The following VIPR2 variants were observed in gnomAD, a reference collection of about 807,000 sequenced individuals.
VIPR2 encodes the protein vasoactive intestinal peptide receptor 2.
VIPR2 carries 48 observed loss-of-function variants against 58.0 expected under a neutral mutation model. That is an observed-to-expected ratio of 0.83 (90% CI 0.66 to 1.05). VIPR2 has a LOEUF of 1.05. VIPR2 is among the 50% of genes least tolerant of loss of function. VIPR2 has a pLI of 0.00. For synonymous variants in VIPR2, 243 were observed against 235.2 expected (o/e 1.03, Z -0.30); for missense variants, 534 against 558.0 (o/e 0.96, Z 0.43).
rs1474575818 is a variant in VIPR2 at position 159,096,329 on chromosome 7, C to T, written c.357+7428G>A. 6.6e-6 allele frequency among the ~76,000 whole-genome samples: 1 copy of T among 152,222 alleles called. No homozygotes were observed. The highest frequency in any genetic ancestry group is 1.5e-5 in the Non-Finnish European group (1 of 68,040). Reference sequence around the variant, plus strand: ...TCCATCCTGGGTCAGGCACGTACCTCCCCTCCTCCGGCATCGGCCAGCTCC... The same window carrying T: ...TCCATCCTGGGTCAGGCACGTACCTTCCCTCCTCCGGCATCGGCCAGCTCC... On this transcript the variant is annotated intron_variant, in intron 4 of 12. Coordinates refer to ENST00000262178, the MANE Select transcript of VIPR2 (RefSeq NM_003382.5). This position sits in a 1 kb window ranked among gnomAD's most constrained non-coding sequence, Gnocchi z 5.5.
At chr7:159,125,565 T>G (rs1484654078) in intron 2 of VIPR2, among the ~76,000 whole-genome samples, 3 of 152,156 alleles carry the variant, frequency 2.0e-5, no homozygotes, top group Admixed American at 6.5e-5. Context: ...CACCAGAAAA[T>G]TCTCCGGTAT....
intron 2 of VIPR2, among the ~76,000 whole-genome samples, chr7:159,112,681 C>T (rs1296039764): frequency 7.4e-6 from 1 of 135,302 alleles, no homozygotes; most frequent in African/African-American, 3.0e-5. Context: ...GGAGGCGGCT[C>T]ACGGCGCCTA....
chr7:159,144,437 A>T, intron 1 of VIPR2: 1 of 1,547,116 alleles, frequency 6.5e-7, no homozygotes, highest in South Asian at 1.2e-5. Context: ...TGACGCGTCC[A>T]GGAAGAAACG....
chr7:159,112,927 C>T (rs1796093219), intron 2 of VIPR2, among the ~76,000 whole-genome samples: 1 of 152,102 alleles, frequency 6.6e-6, no homozygotes, highest in Non-Finnish European at 1.5e-5. Flanking sequence ...TGGCGCCTTC[C>T]TGGGGCCAGA....
intron 1 of VIPR2, among the ~76,000 whole-genome samples, chr7:159,143,217 G>T (rs1052703540): frequency 3.3e-5 from 5 of 152,160 alleles, no homozygotes; most frequent in Non-Finnish European, 7.3e-5. Flanking sequence ...ACTAATGTGA[G>T]AAGAAGGCAG....
At position 159,135,004 on chromosome 7, in the gene VIPR2, G is replaced by GTTTTTTTTTTTTTTTTTTT. The variant is rs747914292; in HGVS notation, c.151+7423_151+7441dup. Among the ~76,000 whole-genome samples, 28 of 65,964 alleles carry GTTTTTTTTTTTTTTTTTTT rather than the reference G, an allele frequency of 4.2e-4. 1 individual carries two copies. Among genetic ancestry groups the GTTTTTTTTTTTTTTTTTTT allele is most frequent in the African/African-American group, 6.5e-4 (10 of 15,388 alleles). The allele number at this position is 65,964 out of a possible 152,430, so 43.3% of individuals were successfully genotyped here. A position where few individuals can be genotyped will look rare whatever the true frequency, so the allele number is the denominator to read the frequency against. ...TATTGGTCTTCTCTTAATTACAAAA[G>GTTTTTTTTTTTTTTTTTTT]TTTTTTTTTTTTTTTTTTTTTTTTT... On this transcript the variant is annotated intron_variant, in intron 2 of 12. Transcript: ENST00000262178.
chr7:159,105,860 A>G (rs912846893), intron 3 of VIPR2, among the ~76,000 whole-genome samples: 3 of 152,214 alleles, frequency 2.0e-5, no homozygotes, highest in Admixed American at 1.3e-4. Context: ...AGCACTCATA[A>G]TAGTTATTAT....
chr7:159,043,568 C>G (rs7798054), intron 5 of VIPR2, among the ~76,000 whole-genome samples: 7,909 of 152,030 alleles, frequency 0.052, 680 homozygotes, highest in African/African-American at 0.18. Context: ...AAGGCTTATG[C>G]CAACCAAGTG....
At chr7:159,070,083 G>A (rs925437445) in intron 4 of VIPR2, among the ~76,000 whole-genome samples, 1 of 152,174 alleles carries the variant, frequency 6.6e-6, no homozygotes, top group Non-Finnish European at 1.5e-5. Flanking sequence ...AACAGCCAAC[G>A]CCAAAGTCTC....
At chr7:159,137,208 C>T (rs564919733) in intron 2 of VIPR2, among the ~76,000 whole-genome samples, 1 of 152,252 alleles carries the variant, frequency 6.6e-6, no homozygotes, top group South Asian at 2.1e-4. Flanking sequence ...TCCGTTCTTC[C>T]CAGACAGGAG....
chr7:159,069,532 T>A (rs1856272407), intron 4 of VIPR2, among the ~76,000 whole-genome samples: 1 of 152,194 alleles, frequency 6.6e-6, no homozygotes, highest in Non-Finnish European at 1.5e-5. Context: ...GCTTTTTGAA[T>A]CTGAGGATTG....
rs546775312 is a variant in VIPR2 at position 159,122,617 on chromosome 7, A to AC, written c.152-12699dup. 1.1e-4 allele frequency among the ~76,000 whole-genome samples: 16 copies of AC among 152,346 alleles called. No individual in the cohort carries two copies. In the South Asian group the frequency reaches 2.3e-3, roughly 22 times the overall value. Reference sequence around the variant, plus strand: ...TCTAATGTGAAAGCACAGGTCACATACAGGTGCAGGGCACACCTGTGAGTC... The same window carrying AC: ...TCTAATGTGAAAGCACAGGTCACATACCAGGTGCAGGGCACACCTGTGAGTC... On this transcript the variant is annotated intron_variant, in intron 2 of 12. Coordinates refer to ENST00000262178, the MANE Select transcript of VIPR2 (RefSeq NM_003382.5).
intron 4 of VIPR2, among the ~76,000 whole-genome samples, chr7:159,086,160 C>T (rs1184812608): frequency 2.0e-5 from 3 of 152,206 alleles, no homozygotes; most frequent in Admixed American, 6.5e-5. Context: ...TAAAACTGCT[C>T]TAAAAAGTCG....
In VIPR2 at chr7:159,100,901, C is replaced by G. The variant is rs528873480; in HGVS notation, c.357+2856G>C. Among the ~76,000 whole-genome samples, 324 of 149,552 alleles carry G rather than the reference C, an allele frequency of 2.2e-3. 1 individual carries two copies. Among genetic ancestry groups the G allele is most frequent in the Admixed American group, 3.7e-3 (55 of 14,932 alleles). ...TCTCACGAGATCCGACAAGGCCGTT[C>G]CCCCGACTGTTCCTGTGGTAGTGAA... is the stretch of plus-strand genomic sequence containing the variant. On this transcript the variant is annotated intron_variant, in intron 4 of 12. Coordinates refer to ENST00000262178, the MANE Select transcript of VIPR2 (RefSeq NM_003382.5).
At chr7:159,107,409 C>T (rs911041928) in intron 3 of VIPR2, among the ~76,000 whole-genome samples, 3 of 152,210 alleles carry the variant, frequency 2.0e-5, no homozygotes, top group Non-Finnish European at 2.9e-5. Flanking sequence ...GATGAGTCCT[C>T]GTGCCTCTCA....
rs1797516525 is a variant in VIPR2 at position 159,142,533 on chromosome 7, G to A, written c.64C>T (p.His22Tyr). The change falls in exon 2 of 13, where the codon CAC (histidine) becomes TAC (tyrosine). Residue 22 changes from histidine to tyrosine, a missense_variant. His to Tyr is a moderately conservative substitution (Grantham distance 83, BLOSUM62 2). Transcript: ENST00000262178. ...CWLLAPVNSI[H>Y]PECRFHLEIQ... ...TCCAGATGAAATCGGCATTCTGGGT[G>A]AATGCTGTTCACCTGTTCACGGTTA... The A allele has an allele frequency of 1.2e-6, 2 of 1,613,164 alleles. No homozygotes were observed. Among genetic ancestry groups the A allele is most frequent in the Non-Finnish European group, 1.7e-6 (2 of 1,179,448 alleles).
rs772934092 is a variant in VIPR2 at position 159,096,491 on chromosome 7, T to C, written c.357+7266A>G. Among the ~76,000 whole-genome samples the C allele has an allele frequency of 9.9e-5, 15 of 152,102 alleles. No homozygotes were observed. The highest frequency in any genetic ancestry group is 1.9e-4 in the Non-Finnish European group (13 of 68,012). ...TCTAATTCCTTCACCTTCATCTCCCTCCCATTAGGAGAATCTTCCCTAGCG... is the reference window on the plus strand; with the variant it reads ...TCTAATTCCTTCACCTTCATCTCCCCCCCATTAGGAGAATCTTCCCTAGCG... On this transcript the variant is annotated intron_variant, in intron 4 of 12. Coordinates refer to ENST00000262178, the MANE Select transcript of VIPR2 (RefSeq NM_003382.5). This position sits in a 1 kb window ranked among gnomAD's most constrained non-coding sequence, Gnocchi z 5.5.
rs561025792 is a variant in VIPR2, at chr7:159,082,287, A to T, written c.357+21470T>A. On this transcript the variant is annotated intron_variant, in intron 4 of 12. Transcript: ENST00000262178. ...ACACCATGGAATACTATGCAGCCAT[A>T]AAAAATGATGAGTTCATGTCCTTTG... 1.1e-4 allele frequency among the ~76,000 whole-genome samples: 17 copies of T among 152,352 alleles called. No homozygotes were observed. The South Asian group carries it at 3.5e-3, about 32-fold the overall frequency.
Position 159,033,950 on chromosome 7 carries a change from A to G in VIPR2, c.971+263T>C, listed in dbSNP as rs532858284. ...TGCCCCTGCTGAGTCCTCCCAGGTCATCAGGTGCAGAATCACACCCTATCT... is the reference window on the plus strand; with the variant it reads ...TGCCCCTGCTGAGTCCTCCCAGGTCGTCAGGTGCAGAATCACACCCTATCT... On this transcript the variant is annotated intron_variant, in intron 10 of 12. Coordinates refer to ENST00000262178, the MANE Select transcript of VIPR2 (RefSeq NM_003382.5). 7.2e-5 allele frequency among the ~76,000 whole-genome samples: 11 copies of G among 152,322 alleles called. No homozygotes were observed. In the East Asian group the frequency reaches 2.1e-3, roughly 29 times the overall value.
Sources: allele counts gnomAD v4.1 joint callset (sites outside exome capture counted in the v4.1 genomes callset), GRCh38; gene constraint gnomAD v4.1.1; non-coding constraint Gnocchi (gnomAD v3.1); transcripts MANE v1.5; gene names NCBI Gene and HGNC (gene_info 2026-07-23, HGNC 2026-07-21).